LUZP1: variants seen among roughly 807,000 people sequenced by gnomAD.
LUZP1 encodes the protein leucine zipper protein 1.
LUZP1 carries 25 observed loss-of-function variants against 71.3 expected under a neutral mutation model. The ratio of observed to expected loss-of-function variants is 0.35; its 90% confidence interval spans 0.26 to 0.49. The LOEUF (loss-of-function observed/expected upper bound fraction) is 0.49. Ranked by LOEUF, LUZP1 falls within the 20% of genes least tolerant of loss-of-function variation. The probability of loss-of-function intolerance (pLI) is 0.99; values close to 1 mark genes in which losing one functional copy is unlikely to be tolerated. For missense variants in LUZP1, 1,142 were observed against 1,300.8 expected (o/e 0.88, Z 1.88); for synonymous variants, 481 against 506.4 (o/e 0.95, Z 0.67).
chr1:23,175,378 C>T (rs1446528570), intron 1 of LUZP1, among the ~76,000 whole-genome samples: 4 of 152,164 alleles, frequency 2.6e-5, no homozygotes, highest in Non-Finnish European at 4.4e-5. Flanking sequence ...CTTTGTAAAT[C>T]GTAACACATA....
chr1:23,092,421 T>C lies in LUZP1; in HGVS notation c.1841A>G (p.Asn614Ser), dbSNP rs746004683. The change falls in exon 4 of 5, where the codon AAC (asparagine) becomes AGC (serine). Residue 614 changes from asparagine to serine, a missense_variant. Coordinates refer to ENST00000302291, the Ensembl canonical transcript of LUZP1. ...TGAGGTTGAAAATCCCTGAAGGATG[T>C]TCTCTTGGCTTCTACAGCTATAAGG... 27 of 1,614,080 alleles carry C rather than the reference T, an allele frequency of 1.7e-5. No individual in the cohort carries two copies. The Admixed American group carries it at 4.5e-4, about 27-fold the overall frequency.
chr1:23,097,923 C>A (rs969573392), intron 3 of LUZP1, among the ~76,000 whole-genome samples: 4 of 152,154 alleles, frequency 2.6e-5, no homozygotes, highest in African/African-American at 9.7e-5. Context: ...TGTAGAGGGA[C>A]AGCATTACCA....
Position 23,093,318 on chromosome 1 carries a change from A to G in LUZP1, c.944T>C (p.Met315Thr), listed in dbSNP as rs1178106649. 2 of 1,609,730 alleles carry G rather than the reference A, an allele frequency of 1.2e-6. No individual in the cohort carries two copies. The highest frequency in any genetic ancestry group is 2.7e-5 in the African/African-American group (2 of 74,392). ...CTGAAGGTCGTTATTTTTGGACTTC[A>G]TTTTCTTAAGCTCTTCTTCCAACGA... is the stretch of plus-strand genomic sequence containing the variant. Residue 315 changes from methionine (M) to threonine (T), a missense_variant, in exon 4 of 5, where the codon ATG becomes ACG. Met to Thr is a moderately conservative substitution (Grantham distance 81). Coordinates refer to ENST00000302291, the Ensembl canonical transcript of LUZP1. This position sits in a 1 kb window ranked among gnomAD's most constrained non-coding sequence, Gnocchi z 4.2.
chr1:23,105,831 A>C (rs1462860440), intron 3 of LUZP1, among the ~76,000 whole-genome samples: 1 of 152,190 alleles, frequency 6.6e-6, no homozygotes, highest in African/African-American at 2.4e-5. Flanking sequence ...TCCTGAGTGC[A>C]ACTATTCAAG....
At chr1:23,115,478 A>G (rs1332480046) in intron 2 of LUZP1, among the ~76,000 whole-genome samples, 1 of 152,218 alleles carries the variant, frequency 6.6e-6, no homozygotes, top group African/African-American at 2.4e-5. Flanking sequence ...TAAATAATTG[A>G]TAAAACTAGG....
chr1:23,126,021 T>C (rs1644169375), intron 2 of LUZP1, among the ~76,000 whole-genome samples: 1 of 152,210 alleles, frequency 6.6e-6, no homozygotes. Context: ...GCCCACAGAC[T>C]GTGCATTCTG....
At chr1:23,115,205 G>C (rs1056022934) in intron 2 of LUZP1, among the ~76,000 whole-genome samples, 4 of 152,138 alleles carry the variant, frequency 2.6e-5, no homozygotes, top group Admixed American at 2.6e-4. Flanking sequence ...AATTCTCCCA[G>C]AATAACTTTT....
intron 2 of LUZP1, among the ~76,000 whole-genome samples, chr1:23,157,742 G>A (rs1318438518): frequency 6.6e-6 from 1 of 151,710 alleles, no homozygotes. Context: ...AGTGAGCCAA[G>A]ATCGCGCCAC....
At chr1:23,083,682 T>C (rs1643691294), downstream of LUZP1, 1 of 197,104 alleles carries the variant, frequency 5.1e-6, no homozygotes, top group Admixed American at 5.8e-5. Flanking sequence ...AAACTTCATA[T>C]AAAATTGGCC....
intron 2 of LUZP1, among the ~76,000 whole-genome samples, chr1:23,155,189 T>C (rs758073726): frequency 6.6e-6 from 1 of 152,208 alleles, no homozygotes; most frequent in Non-Finnish European, 1.5e-5. Context: ...AACTACATTT[T>C]CTAAATATCT....
chr1:23,154,552 T>C (rs1644407623), intron 2 of LUZP1, among the ~76,000 whole-genome samples: 2 of 150,240 alleles, frequency 1.3e-5, no homozygotes, highest in African/African-American at 2.4e-5. Context: ...TTTCTTTTCT[T>C]TTTTTTTTGA....
chr1:23,116,798 G>A (rs537045728), intron 2 of LUZP1, among the ~76,000 whole-genome samples: 1 of 152,082 alleles, frequency 6.6e-6, no homozygotes. Flanking sequence ...CAAAGGTTTC[G>A]AATCTTTTTA....
At chr1:23,172,496 CA>C (rs200430527) in intron 1 of LUZP1, among the ~76,000 whole-genome samples, 5 of 148,362 alleles carry the variant, frequency 3.4e-5, no homozygotes, top group Admixed American at 6.7e-5. Flanking sequence ...CCTGTCTTTA[CA>C]AAAAAAAATT....
intron 2 of LUZP1, among the ~76,000 whole-genome samples, chr1:23,168,515 CAG>C (rs1491271529): frequency 4.0e-5 from 6 of 151,244 alleles, no homozygotes; most frequent in South Asian, 4.2e-4. Flanking sequence ...AAAATCTCCT[CAG>C]AGTCTCTTCC....
At chr1:23,131,845 C>T (rs1644218119) in intron 2 of LUZP1, among the ~76,000 whole-genome samples, 1 of 152,110 alleles carries the variant, frequency 6.6e-6, no homozygotes, top group African/African-American at 2.4e-5. Context: ...GCCATCACAC[C>T]CAGCTAATTT....
intron 2 of LUZP1, among the ~76,000 whole-genome samples, chr1:23,138,691 GTGTGTGTATATATA>G (rs1328989366): frequency 3.8e-4 from 40 of 106,340 alleles, no homozygotes; most frequent in Admixed American, 8.7e-4. Context: ...GTGTGTGTGT[GTGTGTGTATATATA>G]TATATATATA....
chr1:23,162,467 C>T (rs1569703541), intron 2 of LUZP1, among the ~76,000 whole-genome samples: 2 of 146,752 alleles, frequency 1.4e-5, no homozygotes, highest in African/African-American at 5.2e-5. Flanking sequence ...GAGACGGAGT[C>T]TCGCTCTGTT....
At chr1:23,126,794 C>A (rs1470252421) in intron 2 of LUZP1, among the ~76,000 whole-genome samples, 3 of 152,182 alleles carry the variant, frequency 2.0e-5, no homozygotes, top group Non-Finnish European at 4.4e-5. Context: ...AATATAGGTA[C>A]CAGCCCAGAG....
At chr1:23,161,423 A>G (rs1462352447) in intron 2 of LUZP1, among the ~76,000 whole-genome samples, 1 of 152,204 alleles carries the variant, frequency 6.6e-6, no homozygotes, top group Non-Finnish European at 1.5e-5. Flanking sequence ...CGAGGAAGAC[A>G]GAGCCATGCA....
Sources: allele counts gnomAD v4.1 joint callset (sites outside exome capture counted in the v4.1 genomes callset), GRCh38; gene constraint gnomAD v4.1.1; non-coding constraint Gnocchi (gnomAD v3.1); transcripts MANE v1.5; gene names NCBI Gene and HGNC (gene_info 2026-07-23, HGNC 2026-07-21).